CAD: variants seen among roughly 807,000 people sequenced by gnomAD.
CAD encodes carbamoyl-phosphate synthetase 2, aspartate transcarbamylase, and dihydroorotase.
Under a neutral mutation model 237.2 loss-of-function variants are expected in CAD, and 81 were observed. That is an observed-to-expected ratio of 0.34 (90% CI 0.29 to 0.41). The LOEUF is 0.41. CAD is among the 10% of genes least tolerant of loss of function. The pLI is 1.00. For missense variants in CAD, 2,181 were observed against 2,951.7 expected (o/e 0.74, Z 6.05); for synonymous variants, 1,196 against 1,162.8 (o/e 1.03, Z -0.58).
intron 2 of CAD, among the ~76,000 whole-genome samples, chr2:27,220,256 A>G (rs1468868175): frequency 1.3e-5 from 2 of 152,240 alleles, no homozygotes; most frequent in African/African-American, 2.4e-5. Context: ...AAGAGAGGAA[A>G]TAAAGTATTA....
intron 15 of CAD, 107 bp from the exon 16 acceptor site, chr2:27,231,361 T>G: frequency 1.0e-5 from 7 of 681,092 alleles, no homozygotes; most frequent in Non-Finnish European, 1.8e-5. Context: ...TGACTTGCCT[T>G]GAGAATCTCC....
In CAD at chr2:27,241,848, C is replaced by T. The variant is rs1430329488; in HGVS notation, c.5884-63C>T. 1.1e-5 allele frequency: 15 copies of T among 1,391,128 alleles called. No individual in the cohort carries two copies. The Admixed American group carries it at 2.4e-4, about 23-fold the overall frequency. 86.2% of individuals were successfully genotyped at this position (1,391,128 alleles called of 1,614,324 possible). On this transcript the variant is annotated intron_variant, in intron 38 of 43. Transcript: ENST00000264705. This position sits in a 1 kb window ranked among gnomAD's most constrained non-coding sequence, Gnocchi z 4.6. The stretch of plus-strand genomic sequence containing the variant: ...CAAGTGTCAGTTGGGGTGGTGGTGC[C>T]TAGCTGGGGTTTCCCCAGGGTGGAC...
chr2:27,224,195 A>C, intron 8 of CAD, 150 bp from the exon 9 acceptor site: 1 of 931,396 alleles, frequency 1.1e-6, no homozygotes, highest in Non-Finnish European at 1.6e-6. Context: ...TGTTGAAAGG[A>C]ACTCCAGGGT....
chr2:27,237,944 C>A lies in CAD; in HGVS notation c.4728+62C>A. The A allele has an allele frequency of 6.3e-7, 1 of 1,574,952 alleles. No individual in the cohort carries two copies. The highest frequency in any genetic ancestry group is 1.3e-5 in the African/African-American group (1 of 74,264). On this transcript the variant is annotated intron_variant, in intron 29 of 43. Coordinates refer to ENST00000264705, the MANE Select transcript of CAD (RefSeq NM_004341.5). This position sits in a 1 kb window ranked among gnomAD's most constrained non-coding sequence, Gnocchi z 4.0. ...GTGTCTCCTGGCTTGTGGGCCCCTG[C>A]CTAAGTGGGCTGGTAGCAGTGAGGA...
chr2:27,240,602 G>T lies in CAD; in HGVS notation c.5593+241G>T. Reference sequence around the variant, plus strand: ...CCGCCCAGGAGCTGGGATCCCACGGGGCAGCAGAGCGTGGGGTAAATCCAG... The same window carrying T: ...CCGCCCAGGAGCTGGGATCCCACGGTGCAGCAGAGCGTGGGGTAAATCCAG... On this transcript the variant is annotated intron_variant, in intron 35 of 43. Coordinates refer to ENST00000264705, the MANE Select transcript of CAD (RefSeq NM_004341.5). This position sits in a 1 kb window ranked among gnomAD's most constrained non-coding sequence, Gnocchi z 4.6. 1 of 1,544,782 alleles carries T rather than the reference G, an allele frequency of 6.5e-7. No homozygotes were observed. Among genetic ancestry groups the T allele is most frequent in the Non-Finnish European group, 8.7e-7 (1 of 1,143,690 alleles).
chr2:27,229,566 G>A (rs927111774), intron 15 of CAD, among the ~76,000 whole-genome samples: 2 of 152,090 alleles, frequency 1.3e-5, no homozygotes, highest in South Asian at 4.1e-4. Flanking sequence ...CACCAGGACT[G>A]CCTAATTGTA....
Position 27,222,767 on chromosome 2 carries a change from G to C in CAD, c.638-99G>C, listed in dbSNP as rs569260266. ...AGTAGGAGTTGCAGTGAAGAAGATAGACATTGGGACTTAACACTCTCATGG... is the reference window on the plus strand; with the variant it reads ...AGTAGGAGTTGCAGTGAAGAAGATACACATTGGGACTTAACACTCTCATGG... On this transcript the variant is annotated intron_variant, in intron 5 of 43. Transcript: ENST00000264705. 12 of 1,571,214 alleles carry C rather than the reference G, an allele frequency of 7.6e-6. No homozygotes were observed. The African/African-American group carries it at 1.6e-4, about 21-fold the overall frequency.
chr2:27,237,956 G>A lies in CAD; in HGVS notation c.4728+74G>A. ...TTGTGGGCCCCTGCCTAAGTGGGCT[G>A]GTAGCAGTGAGGATTCAGGGGAGCT... On this transcript the variant is annotated intron_variant, in intron 29 of 43. Coordinates refer to ENST00000264705, the MANE Select transcript of CAD (RefSeq NM_004341.5). The surrounding 1 kb of genome is among the most constrained non-coding windows in gnomAD (Gnocchi z 4.0). 1 of 1,576,498 alleles carries A rather than the reference G, an allele frequency of 6.3e-7. No homozygotes were observed. Among genetic ancestry groups the A allele is most frequent in the East Asian group, 2.2e-5 (1 of 44,488 alleles).
chr2:27,229,484 C>T (rs996729822), intron 15 of CAD, among the ~76,000 whole-genome samples: 9 of 151,766 alleles, frequency 5.9e-5, no homozygotes, highest in African/African-American at 1.9e-4. Flanking sequence ...TATGTTGTGC[C>T]GGCTGGTCTC....
rs1676371397 is a variant in CAD at position 27,242,520 on chromosome 2, A to G, written c.6222+93A>G. The G allele has an allele frequency of 6.4e-7, 1 of 1,560,738 alleles. No homozygotes were observed. Among genetic ancestry groups the G allele is most frequent in the Non-Finnish European group, 8.7e-7 (1 of 1,147,510 alleles). ...ACCCCGGTACAGGACAGCTGCATCA[A>G]GGAGGCCTTCATTCTGCTCCAGAGG... is the stretch of plus-strand genomic sequence containing the variant. On this transcript the variant is annotated intron_variant, in intron 40 of 43. Coordinates refer to ENST00000264705, the MANE Select transcript of CAD (RefSeq NM_004341.5). This position sits in a 1 kb window ranked among gnomAD's most constrained non-coding sequence, Gnocchi z 6.4.
chr2:27,230,245 A>G (rs1264867819), intron 15 of CAD, among the ~76,000 whole-genome samples: 1 of 152,170 alleles, frequency 6.6e-6, no homozygotes, highest in African/African-American at 2.4e-5. Flanking sequence ...TCAAGAAAGA[A>G]TTAAGTTGGT....
At chr2:27,234,431 C>A in intron 22 of CAD, 87 bp from the exon 23 acceptor site, 1 of 1,368,870 alleles carries the variant, frequency 7.3e-7, no homozygotes, top group Non-Finnish European at 1.0e-6. Flanking sequence ...TCCCCCAGAG[C>A]TGAGGACGGA....
At chr2:27,243,317 C>T (rs759797112) in intron 43 of CAD, 25 bp downstream of exon 43, 3 of 1,612,856 alleles carry the variant, frequency 1.9e-6, no homozygotes, top group East Asian at 2.2e-5. Context: ...GAGTCAGAGA[C>T]TGCCTCGGGG....
At chr2:27,220,564 C>A (rs372479353) in intron 2 of CAD, among the ~76,000 whole-genome samples, 9 of 151,700 alleles carry the variant, frequency 5.9e-5, no homozygotes, top group African/African-American at 2.2e-4. Flanking sequence ...GTGGGAGAAT[C>A]ACTTGAGCCC....
chr2:27,233,610 T>G lies in CAD; in HGVS notation c.3217-16T>G. 1 of 1,614,034 alleles carries G rather than the reference T, an allele frequency of 6.2e-7. No individual in the cohort carries two copies. Among genetic ancestry groups the G allele is most frequent in the South Asian group, 1.1e-5 (1 of 91,080 alleles). On this transcript the variant is annotated splice_polypyrimidine_tract_variant and intron_variant, in intron 20 of 43. Coordinates refer to ENST00000264705, the MANE Select transcript of CAD (RefSeq NM_004341.5). The surrounding 1 kb of genome is among the most constrained non-coding windows in gnomAD (Gnocchi z 6.3). ...GAAAGTGTGAACAACTCAGCTAAGC[T>G]CCCTGCCTCCTGTAGTCTGCTCGCC... is the stretch of plus-strand genomic sequence containing the variant.
At position 27,217,654 on chromosome 2, in the gene CAD, T is replaced by C. The variant is rs1435274875; in HGVS notation, c.82+21T>C. On this transcript the variant is annotated intron_variant, in intron 1 of 43. Coordinates refer to ENST00000264705, the MANE Select transcript of CAD (RefSeq NM_004341.5). Reference sequence around the variant, plus strand: ...AGTGGGTAAGCAAGCCCGGTTAGGCTGCAGACCTTATCCCACTCTGTGATG... The same window carrying C: ...AGTGGGTAAGCAAGCCCGGTTAGGCCGCAGACCTTATCCCACTCTGTGATG... 5 of 1,585,786 alleles carry C rather than the reference T, an allele frequency of 3.2e-6. No individual in the cohort carries two copies. In the Admixed American group the frequency reaches 5.2e-5, roughly 17 times the overall value.
rs1007109599 is a variant in CAD, at chr2:27,240,640, T to C, written c.5594-271T>C. On this transcript the variant is annotated intron_variant, in intron 35 of 43. Coordinates refer to ENST00000264705, the MANE Select transcript of CAD (RefSeq NM_004341.5). This position sits in a 1 kb window ranked among gnomAD's most constrained non-coding sequence, Gnocchi z 4.6. The stretch of plus-strand genomic sequence containing the variant: ...GGGGTAAATCCAGGTTGTTGGTTGG[T>C]GTGAGTCTGGCCGTTCCTCTTGCCT... The C allele has an allele frequency of 1.3e-6, 2 of 1,542,974 alleles. No homozygotes were observed. The highest frequency in any genetic ancestry group is 2.5e-5 in the East Asian group (1 of 40,470).
At chr2:27,229,846 G>C (rs1675639515) in intron 15 of CAD, among the ~76,000 whole-genome samples, 1 of 140,770 alleles carries the variant, frequency 7.1e-6, no homozygotes, top group Non-Finnish European at 1.5e-5. Context: ...ACTGACTCCA[G>C]CCTGGGCAAC....
At position 27,240,544 on chromosome 2, in the gene CAD, A is replaced by G. The variant is rs745965524; in HGVS notation, c.5593+183A>G. The G allele has an allele frequency of 7.7e-6, 12 of 1,548,502 alleles. No homozygotes were observed. In the Admixed American group the frequency reaches 9.8e-5, roughly 13 times the overall value. On this transcript the variant is annotated intron_variant, in intron 35 of 43. Transcript: ENST00000264705. The surrounding 1 kb of genome is among the most constrained non-coding windows in gnomAD (Gnocchi z 4.6). ...GAGTAGACATCTCACAGCTTCTCACATGCCCTTTTTTGTTGTGGGCAGCTG... is the reference window on the plus strand; with the variant it reads ...GAGTAGACATCTCACAGCTTCTCACGTGCCCTTTTTTGTTGTGGGCAGCTG...
Sources: gnomAD v4.1 joint callset for allele counts (sites outside exome capture counted in the v4.1 genomes callset) on GRCh38, gnomAD v4.1.1 for gene constraint, Gnocchi (gnomAD v3.1) non-coding constraint, MANE v1.5 for transcripts, NCBI Gene and HGNC (gene_info 2026-07-23, HGNC 2026-07-21) for gene names.